The following PVT1 variants were observed in gnomAD, a reference collection of about 807,000 sequenced individuals.
PVT1 encodes the protein Pvt1 oncogene.
intron 3 of PVT1, among the ~76,000 whole-genome samples, chr8:127,926,595 G>T (rs1276914130): frequency 2.6e-5 from 4 of 152,188 alleles, no homozygotes; most frequent in African/African-American, 9.7e-5. Flanking sequence ...GATGGCCTGA[G>T]TTGGTCCCCA....
intron 3 of PVT1, among the ~76,000 whole-genome samples, chr8:127,971,155 G>T (rs1252759444): frequency 2.0e-5 from 3 of 152,246 alleles, no homozygotes; most frequent in African/African-American, 7.2e-5. Flanking sequence ...TTTCTAACTA[G>T]TCGGAGCTAT....
chr8:128,092,425 T>G (rs1000740946), intron 5 of PVT1, among the ~76,000 whole-genome samples: 2 of 152,144 alleles, frequency 1.3e-5, no homozygotes, highest in African/African-American at 4.8e-5. Context: ...GGTGCAAAAG[T>G]AATTGCAGTT....
chr8:127,911,300 C>T (rs1262267065), intron 3 of PVT1, among the ~76,000 whole-genome samples: 3 of 152,190 alleles, frequency 2.0e-5, no homozygotes, highest in South Asian at 2.1e-4. Context: ...CAGTTGAGTG[C>T]GTCCAGATGC....
Position 127,797,489 on chromosome 8 carries a change from G to A in PVT1, n.372+1418G>A, listed in dbSNP as rs558206262. Among the ~76,000 whole-genome samples the A allele has an allele frequency of 1.4e-4, 22 of 152,280 alleles. No individual in the cohort carries two copies. The South Asian group carries it at 4.1e-3, about 29-fold the overall frequency. ...GGAATCATTTGGACCATTGAGTCCTGTGGACAGTCACTTCAATATCATCCC... is the reference window on the plus strand; with the variant it reads ...GGAATCATTTGGACCATTGAGTCCTATGGACAGTCACTTCAATATCATCCC... On this transcript the variant is annotated intron_variant and non_coding_transcript_variant, in intron 2 of 10. Coordinates refer to ENST00000651587, the Ensembl canonical transcript of PVT1.
intron 5 of PVT1, among the ~76,000 whole-genome samples, chr8:128,072,684 G>C (rs1349991787): frequency 6.6e-6 from 1 of 152,136 alleles, no homozygotes; most frequent in African/African-American, 2.4e-5. Flanking sequence ...TGGACTGGAG[G>C]CAGGCACCGC....
At chr8:127,797,697 G>A (rs947361320) in intron 2 of PVT1, among the ~76,000 whole-genome samples, 2 of 152,140 alleles carry the variant, frequency 1.3e-5, no homozygotes, top group Non-Finnish European at 2.9e-5. Flanking sequence ...TGTTTATCAC[G>A]CAAAGCATGT....
At chr8:127,968,443 C>G (rs1471689575) in intron 3 of PVT1, among the ~76,000 whole-genome samples, 2 of 152,164 alleles carry the variant, frequency 1.3e-5, no homozygotes, top group Non-Finnish European at 2.9e-5. Flanking sequence ...CAAGACAGCA[C>G]TGACGTGGAT....
intron 2 of PVT1, among the ~76,000 whole-genome samples, chr8:127,831,470 T>G (rs1019347186): frequency 6.6e-5 from 10 of 152,092 alleles, no homozygotes; most frequent in African/African-American, 2.2e-4. Context: ...AACTAGGTAC[T>G]TGGCAAAGTG....
intron 3 of PVT1, among the ~76,000 whole-genome samples, chr8:127,929,127 G>T (rs1041287990): frequency 2.0e-5 from 3 of 151,958 alleles, no homozygotes; most frequent in South Asian, 4.2e-4. Context: ...GGGTGGGAAA[G>T]GGAGAGTCCT....
chr8:127,798,601 G>A (rs1206742548), intron 2 of PVT1, among the ~76,000 whole-genome samples: 3 of 149,524 alleles, frequency 2.0e-5, no homozygotes, highest in Non-Finnish European at 3.0e-5. Context: ...GCTCACACCC[G>A]TAATCCCAGC....
At chr8:127,846,826 C>T (rs2129725565) in intron 2 of PVT1, among the ~76,000 whole-genome samples, 1 of 151,868 alleles carries the variant, frequency 6.6e-6, no homozygotes, top group East Asian at 1.9e-4. Context: ...TGCCTGCCAC[C>T]ACACCCAGCA....
At chr8:127,879,005 T>C (rs1586418825) in intron 2 of PVT1, among the ~76,000 whole-genome samples, 1 of 152,346 alleles carries the variant, frequency 6.6e-6, no homozygotes, top group Non-Finnish European at 1.5e-5. Flanking sequence ...ATGGATGACG[T>C]GAAGAAATTA....
chr8:128,096,992 G>A (rs1268793602), intron 6 of PVT1, among the ~76,000 whole-genome samples: 1 of 152,152 alleles, frequency 6.6e-6, no homozygotes, highest in Non-Finnish European at 1.5e-5. Flanking sequence ...GCTTCCAACT[G>A]AAACCAGCCA....
chr8:128,055,222 G>C (rs924564201), intron 4 of PVT1, among the ~76,000 whole-genome samples: 1 of 152,108 alleles, frequency 6.6e-6, no homozygotes, highest in African/African-American at 2.4e-5. Flanking sequence ...TTTCTTTGGA[G>C]AACCTTGATA....
chr8:127,841,785 G>A (rs1486550531), intron 2 of PVT1, among the ~76,000 whole-genome samples: 1 of 151,902 alleles, frequency 6.6e-6, no homozygotes, highest in Non-Finnish European at 1.5e-5. Context: ...GAGTGCAGTG[G>A]CACAATCTTG....
intron 3 of PVT1, among the ~76,000 whole-genome samples, chr8:127,960,162 G>A (rs1816622425): frequency 6.6e-6 from 1 of 152,204 alleles, no homozygotes; most frequent in Admixed American, 6.5e-5. Context: ...CATTCAACAT[G>A]TCCAGTACAG....
intron 3 of PVT1, among the ~76,000 whole-genome samples, chr8:127,933,954 T>A (rs1232576186): frequency 6.6e-6 from 1 of 152,236 alleles, no homozygotes; most frequent in Non-Finnish European, 1.5e-5. Flanking sequence ...TCAGCAGGGT[T>A]CCAGCCTCAC....
At chr8:128,093,212 TCA>T in intron 5 of PVT1, among the ~76,000 whole-genome samples, 1 of 152,216 alleles carries the variant, frequency 6.6e-6, no homozygotes, top group African/African-American at 2.4e-5. Context: ...TTCTGTTTTC[TCA>T]TCAGTAAAAT....
intron 3 of PVT1, among the ~76,000 whole-genome samples, chr8:127,924,621 C>T (rs1268578822): frequency 6.6e-6 from 1 of 151,362 alleles, no homozygotes. Context: ...ATGCCATTCT[C>T]CTGCCTCAGC....
Sources: allele counts gnomAD v4.1 joint callset (sites outside exome capture counted in the v4.1 genomes callset), GRCh38; gene constraint gnomAD v4.1.1; transcripts MANE v1.5; gene names NCBI Gene and HGNC (gene_info 2026-07-23, HGNC 2026-07-21).